ARHGEF17: variants seen among roughly 807,000 people sequenced by gnomAD.
ARHGEF17 encodes the protein 164 kDa Rho-specific guanine-nucleotide exchange factor.
Under a neutral mutation model 174.0 loss-of-function variants are expected in ARHGEF17, and 80 were observed. The ratio of observed to expected loss-of-function variants is 0.46; its 90% CI spans 0.38 to 0.55. ARHGEF17 has a LOEUF of 0.55. ARHGEF17 is among the 20% of genes least tolerant of loss of function. The pLI, the probability that ARHGEF17 is intolerant of heterozygous loss-of-function variation, is 0.00. For synonymous variants in ARHGEF17, 1,311 were observed against 1,189.1 expected (o/e 1.10, Z -2.11); for missense variants, 2,886 against 2,839.7 (o/e 1.02, Z -0.37).
chr11:73,356,844 TC>T, intron 7 of ARHGEF17, 85 bp downstream of exon 7: 1 of 1,583,024 alleles, frequency 6.3e-7, no homozygotes, highest in Admixed American at 1.7e-5. Flanking sequence ...CCTGCAGGTC[TC>T]CCTGCTCTTT....
rs1205324734 is a variant in ARHGEF17, at chr11:73,308,389, C to A, written c.-250C>A. The A allele has an allele frequency of 1.0e-5, 4 of 385,352 alleles. No individual in the cohort carries two copies. The highest frequency in any genetic ancestry group is 4.6e-5 in the Admixed American group (1 of 21,752). The allele number at this position is 385,352 out of a possible 1,614,324, so 23.9% of individuals were successfully genotyped here. A position where few individuals can be genotyped will look rare whatever the true frequency, so the allele number is the denominator to read the frequency against. Reference sequence around the variant, plus strand: ...GCCGCGGTGCCCCTGGTCGCTCCAGCCGCGGCGGGGGCTGGGCCTGGGGGT... The same window carrying A: ...GCCGCGGTGCCCCTGGTCGCTCCAGACGCGGCGGGGGCTGGGCCTGGGGGT... On this transcript the variant is annotated 5_prime_UTR_variant, in exon 1 of 21. Transcript: ENST00000263674.
chr11:73,349,170 C>G (rs531933507), intron 2 of ARHGEF17, among the ~76,000 whole-genome samples: 1 of 152,280 alleles, frequency 6.6e-6, no homozygotes, highest in East Asian at 1.9e-4. Flanking sequence ...TTGCCATCCC[C>G]TAGATGAGAG....
rs998060633 is a variant in ARHGEF17 at position 73,308,825 on chromosome 11, T to C, written c.187T>C (p.Ser63Pro). 12 of 1,343,726 alleles carry C rather than the reference T, an allele frequency of 8.9e-6. No homozygotes were observed. In the African/African-American group the frequency reaches 1.9e-4, roughly 21 times the overall value. 83.2% of individuals were successfully genotyped at this position (1,343,726 alleles called of 1,614,324 possible). The stretch of plus-strand genomic sequence containing the variant: ...CTCTCGGCGCGTGTCCAAGCTGGCG[T>C]CTGGGCCCCTGGCCGCCCCCGCGCA... ...QPSRRVSKLA[S>P]GPLAAPAQPR... The change falls in exon 1 of 21, where the codon TCT becomes CCT. Residue 63 changes from serine (S) to proline (P), a missense_variant. Around this residue, in one of 4 missense-constraint regions of ARHGEF17, gnomAD observed 1,728 missense variants for 1,461.2 expected, o/e 1.18. Coordinates refer to ENST00000263674, the MANE Select transcript of ARHGEF17 (RefSeq NM_014786.4).
chr11:73,312,295 G>A (rs762186551), intron 1 of ARHGEF17, among the ~76,000 whole-genome samples: 4 of 152,144 alleles, frequency 2.6e-5, no homozygotes, highest in Non-Finnish European at 4.4e-5. Context: ...GCCCTTCTTC[G>A]TGTGGCTTTC....
Position 73,366,042 on chromosome 11 carries a change from A to G in ARHGEF17, c.5995+95A>G. On this transcript the variant is annotated intron_variant, in intron 20 of 20. Coordinates refer to ENST00000263674, the MANE Select transcript of ARHGEF17 (RefSeq NM_014786.4). ...CAGAAGAGCTTTCAAGAGGGAGGAAAAGTGTCACATAGAGCTGGAGGTGGC... is the reference window on the plus strand; with the variant it reads ...CAGAAGAGCTTTCAAGAGGGAGGAAGAGTGTCACATAGAGCTGGAGGTGGC... The G allele has an allele frequency of 4.1e-6, 6 of 1,477,732 alleles. No homozygotes were observed. In the East Asian group the frequency reaches 1.4e-4, roughly 34 times the overall value. 91.5% of individuals were successfully genotyped at this position (1,477,732 alleles called of 1,614,324 possible).
chr11:73,360,038 C>A, intron 10 of ARHGEF17, 86 bp downstream of exon 10: 1 of 1,317,226 alleles, frequency 7.6e-7, no homozygotes, highest in Non-Finnish European at 1.0e-6. Flanking sequence ...TGACATTTGC[C>A]TGAGGGAAGA....
At position 73,362,603 on chromosome 11, in the gene ARHGEF17, G is replaced by A. The variant is rs753624915; in HGVS notation, c.4865G>A (p.Gly1622Asp). ...IAGSGLEMTP[G>D]LGEGDPRPEL... The stretch of plus-strand genomic sequence containing the variant: ...GGCTCGGGCTTGGAGATGACGCCGG[G>A]CCTCGGCGAGGGTGACCCCCGCCCA... Residue 1622 changes from glycine to aspartate, a missense_variant, in exon 14 of 21, where the codon GGC becomes GAC. Around this residue, in one of 4 missense-constraint regions of ARHGEF17, gnomAD observed 476 missense variants for 473.1 expected, o/e 1.01. Coordinates refer to ENST00000263674, the MANE Select transcript of ARHGEF17 (RefSeq NM_014786.4). 6.2e-7 allele frequency: 1 copy of A among 1,610,860 alleles called. No individual in the cohort carries two copies. Among genetic ancestry groups the A allele is most frequent in the African/African-American group, 1.3e-5 (1 of 75,070 alleles).
At position 73,326,110 on chromosome 11, in the gene ARHGEF17, C is replaced by T. The variant is rs114757716; in HGVS notation, c.3192+14280C>T. Among the ~76,000 whole-genome samples the T allele has an allele frequency of 7.6e-4, 116 of 152,250 alleles. 2 individuals carry two copies. The highest frequency in any genetic ancestry group is 2.7e-3 in the African/African-American group (111 of 41,520). On this transcript the variant is annotated intron_variant, in intron 1 of 20. Transcript: ENST00000263674. ...GTATGTGCAGGGTTAGCATGGGGGC[C>T]GCAGGGTGAAGGAGAAGGGGTTCCT...
intron 1 of ARHGEF17, among the ~76,000 whole-genome samples, chr11:73,312,925 A>G (rs1318925164): frequency 6.6e-6 from 1 of 152,114 alleles, no homozygotes; most frequent in Non-Finnish European, 1.5e-5. Context: ...TGGGATCCAG[A>G]TGGCATATGC....
chr11:73,310,561 C>T lies in ARHGEF17; in HGVS notation c.1923C>T (p.Ser641=), dbSNP rs1864805139. 1.9e-6 allele frequency: 3 copies of T among 1,614,112 alleles called. No individual in the cohort carries two copies. Among genetic ancestry groups the T allele is most frequent in the East Asian group, 2.2e-5 (1 of 44,888 alleles). Residue 641 remains serine (S), a synonymous_variant, in exon 1 of 21, where the codon TCC becomes TCT. Coordinates refer to ENST00000263674, the MANE Select transcript of ARHGEF17 (RefSeq NM_014786.4). The part of the protein sequence containing the change: ...RSQEELSGPE[S]SLTDEGIGAD... Reference sequence around the variant, plus strand: ...AGGAGGAGCTCTCAGGCCCTGAGTCCAGTCTGACAGATGAAGGCATTGGGG... The same window carrying T: ...AGGAGGAGCTCTCAGGCCCTGAGTCTAGTCTGACAGATGAAGGCATTGGGG...
At chr11:73,340,219 C>T (rs7102423) in intron 1 of ARHGEF17, among the ~76,000 whole-genome samples, 12,674 of 152,214 alleles carry the variant, frequency 0.083, 1,704 homozygotes, top group African/African-American at 0.28. Flanking sequence ...GAACCACCAG[C>T]CCCACTCCAT....
chr11:73,355,551 G>A lies in ARHGEF17; in HGVS notation c.3472G>A (p.Val1158Ile). ...LVQSFSKDVL[V>I]NIYSAYIDNF... ...TCCACAGTTCTCCAAGGATGTCCTA[G>A]TAAACATCTATTCTGCCTATATCGA... The change falls in exon 4 of 21, where the codon GTA becomes ATA. Residue 1158 changes from valine to isoleucine, a missense_variant. Coordinates refer to ENST00000263674, the MANE Select transcript of ARHGEF17 (RefSeq NM_014786.4). 5 of 1,614,058 alleles carry A rather than the reference G, an allele frequency of 3.1e-6. No homozygotes were observed. The highest frequency in any genetic ancestry group is 4.2e-6 in the Non-Finnish European group (5 of 1,179,886).
chr11:73,329,322 CATATATATATATATATAT>C (rs1164051322), intron 1 of ARHGEF17, among the ~76,000 whole-genome samples: 781 of 15,270 alleles, frequency 0.051, 115 homozygotes, highest in Middle Eastern at 0.22. Flanking sequence ...TGAGAGCTTT[CATATATATATATATATAT>C]ATATATATAT....
chr11:73,314,044 C>T (rs1399926769), intron 1 of ARHGEF17, among the ~76,000 whole-genome samples: 3 of 152,200 alleles, frequency 2.0e-5, no homozygotes, highest in African/African-American at 7.2e-5. Context: ...CATCATCCTC[C>T]AATTTCCCAC....
rs1468806860 is a variant in ARHGEF17, at chr11:73,310,622, C to T, written c.1984C>T (p.Leu662=). ...PEPPVAAFCG[L]GTTGMWRPLS... ...GCCTCCTGTTGCAGCATTTTGCGGCCTGGGTACCACAGGGATGTGGCGACC... is the reference window on the plus strand; with the variant it reads ...GCCTCCTGTTGCAGCATTTTGCGGCTTGGGTACCACAGGGATGTGGCGACC... Residue 662 remains leucine, a synonymous_variant, in exon 1 of 21, where the codon CTG becomes TTG. Transcript: ENST00000263674. 1.9e-6 allele frequency: 3 copies of T among 1,614,160 alleles called. No individual in the cohort carries two copies. The highest frequency in any genetic ancestry group is 1.6e-4 in the Middle Eastern group (1 of 6,062).
rs760722678 is a variant in ARHGEF17 at position 73,355,599 on chromosome 11, G to A, written c.3520G>A (p.Ala1174Thr). 4 of 1,614,214 alleles carry A rather than the reference G, an allele frequency of 2.5e-6. No individual in the cohort carries two copies. The Admixed American group carries it at 6.7e-5, about 27-fold the overall frequency. ...YIDNFLNAKD[A>T]VRVAKEARPA... ...CGATAACTTCCTCAATGCAAAGGAT[G>A]CTGTGCGTGTGGCCAAGGAGGCGAG... The change falls in exon 4 of 21, where the codon GCT (alanine) becomes ACT (threonine). Residue 1174 changes from alanine to threonine, a missense_variant. Physicochemically the swap from Ala to Thr is moderately conservative, Grantham distance 58 (BLOSUM62 0). This residue lies in a region of ARHGEF17 where 353 missense variants were observed against 470.3 expected (regional missense o/e 0.75). Transcript: ENST00000263674.
Position 73,360,457 on chromosome 11 carries a change from C to T in ARHGEF17, c.4344C>T (p.Ser1448=). Residue 1448 remains serine (S), a synonymous_variant, in exon 11 of 21, where the codon TCC becomes TCT. Transcript: ENST00000263674. Reference sequence around the variant, plus strand: ...CCACTCGGCCCGAGGGCACCGACTCCTACATTTTTGAGTTCCCTCACCCTG... The same window carrying T: ...CCACTCGGCCCGAGGGCACCGACTCTTACATTTTTGAGTTCCCTCACCCTG... ...LCATRPEGTD[S]YIFEFPHPDA... is the part of the protein sequence containing the mutation. 6.2e-7 allele frequency: 1 copy of T among 1,614,108 alleles called. No homozygotes were observed. The highest frequency in any genetic ancestry group is 8.5e-7 in the Non-Finnish European group (1 of 1,180,050).
chr11:73,326,066 C>T (rs1386414404), intron 1 of ARHGEF17, among the ~76,000 whole-genome samples: 1 of 152,244 alleles, frequency 6.6e-6, no homozygotes, highest in Non-Finnish European at 1.5e-5. Context: ...TTCAATTGCA[C>T]TGTGGCCCAC....
chr11:73,351,602 A>AT (rs2134414541), intron 2 of ARHGEF17, among the ~76,000 whole-genome samples: 1 of 151,876 alleles, frequency 6.6e-6, no homozygotes, highest in East Asian at 1.9e-4. Context: ...TTATCGCCTT[A>AT]TTTATTTATT....
Sources: allele counts gnomAD v4.1 joint callset (sites outside exome capture counted in the v4.1 genomes callset), GRCh38; gene constraint gnomAD v4.1.1; regional missense constraint gnomAD v4.1.1; transcripts MANE v1.5; gene names NCBI Gene and HGNC (gene_info 2026-07-23, HGNC 2026-07-21).